GPC6: variants seen among roughly 807,000 people sequenced by gnomAD.
The protein encoded by GPC6 is glypican 6.
Under a neutral mutation model 55.2 loss-of-function variants are expected in GPC6, and 14 were observed. That is an observed-to-expected ratio of 0.25 (90% CI 0.17 to 0.40). The LOEUF (loss-of-function observed/expected upper bound fraction) is 0.40. Ranked by LOEUF, GPC6 falls within the 10% of genes least tolerant of loss-of-function variation. The pLI, the probability that GPC6 is intolerant of heterozygous loss-of-function variation, is 1.00. For synonymous variants in GPC6, 278 were observed against 259.6 expected (o/e 1.07, Z -0.68); for missense variants, 641 against 708.5 (o/e 0.90, Z 1.08).
At chr13:93,939,904 C>T (rs988138241) in intron 3 of GPC6, among the ~76,000 whole-genome samples, 2 of 151,990 alleles carry the variant, frequency 1.3e-5, no homozygotes, top group African/African-American at 4.8e-5. Context: ...AACCAAGGCA[C>T]AGAGGCAAAA....
At chr13:93,835,280 T>C (rs1887689587) in intron 3 of GPC6, among the ~76,000 whole-genome samples, 1 of 151,492 alleles carries the variant, frequency 6.6e-6, no homozygotes, top group Non-Finnish European at 1.5e-5. Flanking sequence ...CATGGTAAAA[T>C]CCTATCTCTA....
At chr13:93,836,802 A>T (rs1488885842) in intron 3 of GPC6, among the ~76,000 whole-genome samples, 2 of 152,176 alleles carry the variant, frequency 1.3e-5, no homozygotes, top group Admixed American at 1.3e-4. Context: ...TAGATTATTA[A>T]GATAAATCAT....
intron 1 of GPC6, among the ~76,000 whole-genome samples, chr13:93,415,262 C>T (rs1186197163): frequency 1.3e-5 from 2 of 152,028 alleles, no homozygotes; most frequent in African/African-American, 4.8e-5. Context: ...GTTCCTGGAA[C>T]ATAGGACATA....
chr13:94,089,833 T>G (rs1345804163), intron 4 of GPC6, among the ~76,000 whole-genome samples: 3 of 152,072 alleles, frequency 2.0e-5, no homozygotes, highest in African/African-American at 7.2e-5. Flanking sequence ...GGATTACAAA[T>G]AAATTTTAGC....
At chr13:94,300,065 C>G (rs1875560412) in intron 5 of GPC6, among the ~76,000 whole-genome samples, 1 of 152,084 alleles carries the variant, frequency 6.6e-6, no homozygotes, top group Non-Finnish European at 1.5e-5. Flanking sequence ...GATTAGAGCT[C>G]TGTTTGCAAA....
intron 1 of GPC6, among the ~76,000 whole-genome samples, chr13:93,387,529 T>C (rs1262970760): frequency 1.3e-5 from 2 of 152,262 alleles, no homozygotes; most frequent in African/African-American, 2.4e-5. Flanking sequence ...GGCTGCAGCC[T>C]AATTCCAGTT....
chr13:94,385,704 A>G (rs1880371767), intron 7 of GPC6, among the ~76,000 whole-genome samples: 1 of 152,156 alleles, frequency 6.6e-6, no homozygotes, highest in African/African-American at 2.4e-5. Flanking sequence ...TAAATGGATC[A>G]CCAATAAAGA....
At chr13:94,030,796 A>G (rs1389349972) in intron 4 of GPC6, among the ~76,000 whole-genome samples, 2 of 152,148 alleles carry the variant, frequency 1.3e-5, no homozygotes, top group Non-Finnish European at 2.9e-5. Flanking sequence ...AAATGTGAAC[A>G]GTGGTATGCA....
intron 1 of GPC6, among the ~76,000 whole-genome samples, chr13:93,507,608 A>G (rs781656052): frequency 2.6e-5 from 4 of 152,212 alleles, no homozygotes; most frequent in Non-Finnish European, 5.9e-5. Context: ...ATAGACATAG[A>G]TCGTATTATA....
Position 93,610,210 on chromosome 13 carries a change from T to A in GPC6, c.319+64789T>A, listed in dbSNP as rs1878406936. On this transcript the variant is annotated intron_variant, in intron 2 of 8. Transcript: ENST00000377047. ...GAAAAAACTTCGTAAGTTTCAATTT[T>A]AACTAGATGGAGGGGAGGACAGTAG... Among the ~76,000 whole-genome samples, 3 of 152,218 alleles carry A rather than the reference T, an allele frequency of 2.0e-5. No individual in the cohort carries two copies. The South Asian group carries it at 6.2e-4, about 32-fold the overall frequency.
intron 3 of GPC6, among the ~76,000 whole-genome samples, chr13:93,986,853 T>C (rs1881054746): frequency 6.6e-6 from 1 of 152,168 alleles, no homozygotes; most frequent in South Asian, 2.1e-4. Flanking sequence ...TCAACTATTC[T>C]TTTTGCAAAT....
intron 4 of GPC6, among the ~76,000 whole-genome samples, chr13:94,253,707 T>C (rs1394153168): frequency 6.6e-6 from 1 of 151,902 alleles, no homozygotes; most frequent in East Asian, 1.9e-4. Flanking sequence ...TTAGTCATAT[T>C]CCCCCTCCAA....
chr13:94,374,966 G>A (rs1227987902), intron 6 of GPC6, among the ~76,000 whole-genome samples: 2 of 144,492 alleles, frequency 1.4e-5, no homozygotes, highest in Non-Finnish European at 3.0e-5. Flanking sequence ...TGACTACTGG[G>A]TACATAACGA....
intron 4 of GPC6, among the ~76,000 whole-genome samples, chr13:94,250,290 T>A (rs1891310046): frequency 6.6e-6 from 1 of 152,254 alleles, no homozygotes; most frequent in African/African-American, 2.4e-5. Context: ...AAATGTAACA[T>A]CTTTTGAAGG....
chr13:93,432,632 C>T, intron 1 of GPC6, among the ~76,000 whole-genome samples: 1 of 152,056 alleles, frequency 6.6e-6, no homozygotes, highest in East Asian at 1.9e-4. Flanking sequence ...AAAATACCTC[C>T]CTTGCTAAAA....
chr13:94,288,950 G>GATAT (rs112219137), intron 5 of GPC6, among the ~76,000 whole-genome samples: 1 of 27,762 alleles, frequency 3.6e-5, no homozygotes, highest in Non-Finnish European at 7.4e-5. Context: ...TAGATAGATA[G>GATAT]ATATATAGAT....
At chr13:93,623,877 A>G (rs1275771319) in intron 2 of GPC6, among the ~76,000 whole-genome samples, 6 of 151,906 alleles carry the variant, frequency 3.9e-5, no homozygotes, top group Non-Finnish European at 8.8e-5. Flanking sequence ...CCTGTTGGTC[A>G]TTTGTATGTT....
rs57894335 is a variant in GPC6 at position 94,001,744 on chromosome 13, T to G, written c.712-25985T>G. Reference sequence around the variant, plus strand: ...GTTGGTTTCATTGAAATCTATAATGTATTGAGTCAAAGTAAAAGAACCATC... The same window carrying G: ...GTTGGTTTCATTGAAATCTATAATGGATTGAGTCAAAGTAAAAGAACCATC... On this transcript the variant is annotated intron_variant, in intron 3 of 8. Transcript: ENST00000377047. Among the ~76,000 whole-genome samples the G allele has an allele frequency of 3.2e-3, 481 of 152,268 alleles. 4 individuals carry two copies. The highest frequency in any genetic ancestry group is 0.01 in the African/African-American group (427 of 41,560).
chr13:93,738,476 A>T (rs1325327827), intron 2 of GPC6, among the ~76,000 whole-genome samples: 3 of 152,192 alleles, frequency 2.0e-5, no homozygotes, highest in African/African-American at 7.2e-5. Context: ...CTACAGCTTC[A>T]CATATTACTT....
Sources: gnomAD v4.1 joint callset for allele counts (sites outside exome capture counted in the v4.1 genomes callset) on GRCh38, gnomAD v4.1.1 for gene constraint, MANE v1.5 for transcripts, NCBI Gene and HGNC (gene_info 2026-07-23, HGNC 2026-07-21) for gene names.